The following GPATCH1 variants were observed in gnomAD, a reference collection of about 807,000 sequenced individuals.
The protein encoded by GPATCH1 is G-patch domain containing 1, also known as G patch domain-containing protein 1.
GPATCH1 carries 73 observed loss-of-function variants against 114.9 expected under a neutral mutation model. That is an observed-to-expected ratio of 0.64 (90% confidence interval 0.53 to 0.77). GPATCH1 has a LOEUF of 0.77. Ranked by LOEUF, GPATCH1 falls within the 30% of genes least tolerant of loss-of-function variation. GPATCH1 has a pLI of 0.00. For synonymous variants in GPATCH1, 391 were observed against 428.4 expected (o/e 0.91, Z 1.08); for missense variants, 1,058 against 1,144.3 (o/e 0.92, Z 1.09).
chr19:33,121,108 T>C (rs1021900246), intron 17 of GPATCH1, among the ~76,000 whole-genome samples: 2 of 151,684 alleles, frequency 1.3e-5, no homozygotes, highest in African/African-American at 4.8e-5. Flanking sequence ...AATATATTTT[T>C]AAAATTTTAT....
At chr19:33,098,282 CA>C in intron 8 of GPATCH1, among the ~76,000 whole-genome samples, 1 of 152,322 alleles carries the variant, frequency 6.6e-6, no homozygotes, top group South Asian at 2.1e-4. Flanking sequence ...AAGGTCAAGC[CA>C]GGGGACCAGG....
At chr19:33,114,878 C>T (rs1972899731) in intron 15 of GPATCH1, among the ~76,000 whole-genome samples, 1 of 140,826 alleles carries the variant, frequency 7.1e-6, no homozygotes. Context: ...TTTCGGCTCA[C>T]TGCAAGCTCT....
chr19:33,126,995 C>T (rs996757266), intron 19 of GPATCH1, among the ~76,000 whole-genome samples: 5 of 151,960 alleles, frequency 3.3e-5, no homozygotes, highest in South Asian at 2.1e-4. Context: ...ATTAGCTGGG[C>T]GTGGTGGTGC....
chr19:33,095,235 C>T (rs1972641967), intron 5 of GPATCH1, among the ~76,000 whole-genome samples: 1 of 151,232 alleles, frequency 6.6e-6, no homozygotes, highest in African/African-American at 2.4e-5. Context: ...TACCCATGTA[C>T]CTCTGAAGAG....
chr19:33,116,975 G>A (rs1481418877), intron 15 of GPATCH1, among the ~76,000 whole-genome samples: 1 of 152,052 alleles, frequency 6.6e-6, no homozygotes, highest in African/African-American at 2.4e-5. Flanking sequence ...CAGGGGGCTT[G>A]TTTGAGGCTA....
chr19:33,081,235 C>A lies in GPATCH1; in HGVS notation c.42C>A (p.Ser14Arg), dbSNP rs1048086415. 1 of 1,551,784 alleles carries A rather than the reference C, an allele frequency of 6.4e-7. No homozygotes were observed. The highest frequency in any genetic ancestry group is 2.4e-5 in the East Asian group (1 of 40,942). ...RDSDSEEDLV[S>R]YGTGLEPLEE... is the part of the protein sequence containing the mutation. ...GTGACAGCGAAGAAGATCTGGTCAG[C>A]TATGGGACCGGGCTGGAGCCTCTGG... Residue 14 changes from serine (S) to arginine (R), a missense_variant, in exon 1 of 20, where the codon AGC becomes AGA. Coordinates refer to ENST00000170564, the MANE Select transcript of GPATCH1 (RefSeq NM_018025.3).
At chr19:33,099,061 C>T (rs1972695869) in intron 8 of GPATCH1, among the ~76,000 whole-genome samples, 1 of 147,858 alleles carries the variant, frequency 6.8e-6, no homozygotes, top group East Asian at 1.9e-4. Flanking sequence ...TCATAATATA[C>T]TATTTAATTT....
rs371677122 is a variant in GPATCH1 at position 33,083,872 on chromosome 19, C to T, written c.73+2606C>T. On this transcript the variant is annotated intron_variant, in intron 1 of 19. Transcript: ENST00000170564. ...TCACCCAGGCTGGCATGCAATGGTG[C>T]GATCTCGGCTCACTACAACCTCTGC... Among the ~76,000 whole-genome samples, 35 of 152,178 alleles carry T rather than the reference C, an allele frequency of 2.3e-4. 3 individuals are homozygous for T. Among genetic ancestry groups the T allele is most frequent in the African/African-American group, 7.2e-4 (30 of 41,504 alleles).
chr19:33,096,462 A>G lies in GPATCH1; in HGVS notation c.852+16A>G, dbSNP rs199558098. 2.2e-5 allele frequency: 35 copies of G among 1,596,426 alleles called. No individual in the cohort carries two copies. The East Asian group carries it at 5.1e-4, about 23-fold the overall frequency. On this transcript the variant is annotated intron_variant, in intron 7 of 19. Coordinates refer to ENST00000170564, the MANE Select transcript of GPATCH1 (RefSeq NM_018025.3). Reference sequence around the variant, plus strand: ...TTCAGGCCAGGTAAAATTATTTTCTATTTTATAAAGGGGGAGTCATTGATA... The same window carrying G: ...TTCAGGCCAGGTAAAATTATTTTCTGTTTTATAAAGGGGGAGTCATTGATA...
chr19:33,128,410 G>A (rs984076989), intron 19 of GPATCH1, among the ~76,000 whole-genome samples: 3 of 152,128 alleles, frequency 2.0e-5, no homozygotes, highest in Admixed American at 6.5e-5. Flanking sequence ...ACAGGTACCC[G>A]CCACCACGTC....
chr19:33,084,753 C>G (rs753775006), intron 1 of GPATCH1, among the ~76,000 whole-genome samples: 2 of 151,908 alleles, frequency 1.3e-5, no homozygotes, highest in African/African-American at 2.4e-5. Flanking sequence ...CACCGCCTCC[C>G]AGGTTCAAGC....
In GPATCH1 at chr19:33,096,295, A is replaced by G. The variant is rs746083430; in HGVS notation, c.701A>G (p.His234Arg). 1.9e-6 allele frequency: 3 copies of G among 1,614,014 alleles called. No individual in the cohort carries two copies. Among genetic ancestry groups the G allele is most frequent in the Admixed American group, 3.3e-5 (2 of 59,988 alleles). The change falls in exon 7 of 20, where the codon CAT becomes CGT. Residue 234 changes from histidine (H) to arginine (R), a missense_variant. Coordinates refer to ENST00000170564, the MANE Select transcript of GPATCH1 (RefSeq NM_018025.3). ...PVDFTPKDNV[H>R]GLAYKGLDPH... ...GATTTCACACCTAAAGATAATGTGCATGGTCTAGCTTACAAGGGCCTGGAT... is the reference window on the plus strand; with the variant it reads ...GATTTCACACCTAAAGATAATGTGCGTGGTCTAGCTTACAAGGGCCTGGAT...
chr19:33,082,135 T>A (rs77144979), intron 1 of GPATCH1, among the ~76,000 whole-genome samples: 1 of 117,924 alleles, frequency 8.5e-6, no homozygotes, highest in Non-Finnish European at 1.8e-5. Context: ...GCAGTGGTGG[T>A]GGTGTGTAGT....
At chr19:33,108,427 G>A (rs541859254) in intron 10 of GPATCH1, among the ~76,000 whole-genome samples, 28 of 151,374 alleles carry the variant, frequency 1.8e-4, no homozygotes, top group Middle Eastern at 3.5e-3. Context: ...GGAACACGCC[G>A]TCATCCATGA....
intron 19 of GPATCH1, 30 bp from the exon 20 acceptor site, chr19:33,130,100 C>T: frequency 6.3e-7 from 1 of 1,598,384 alleles, no homozygotes; most frequent in Non-Finnish European, 8.6e-7. Context: ...GCTAACTTTC[C>T]ATTTCTCTCT....
At position 33,111,666 on chromosome 19, in the gene GPATCH1, T is replaced by C. The variant is rs964120514; in HGVS notation, c.1586-58T>C. 1.1e-5 allele frequency: 16 copies of C among 1,514,482 alleles called. No homozygotes were observed. The Admixed American group carries it at 2.6e-4, about 24-fold the overall frequency. The allele number at this position is 1,514,482 out of a possible 1,614,324, so 93.8% of individuals were successfully genotyped here. ...ACAGTGGTGCCCAGCAGATGTTCTC[T>C]TGTAAGCCCCATGTTTTCCTGAAAA... On this transcript the variant is annotated intron_variant, in intron 11 of 19. Coordinates refer to ENST00000170564, the MANE Select transcript of GPATCH1 (RefSeq NM_018025.3).
chr19:33,085,431 A>G (rs575728263), intron 1 of GPATCH1, among the ~76,000 whole-genome samples: 3 of 152,056 alleles, frequency 2.0e-5, no homozygotes, highest in Non-Finnish European at 4.4e-5. Flanking sequence ...GTCTCAAACC[A>G]CTGCTTCTAA....
chr19:33,102,856 C>A lies in GPATCH1; in HGVS notation c.1080+1282C>A, dbSNP rs12151286. 1.5e-3 allele frequency among the ~76,000 whole-genome samples: 233 copies of A among 152,340 alleles called. 1 individual carries two copies. The highest frequency in any genetic ancestry group is 2.4e-3 in the Non-Finnish European group (166 of 68,028). ...ATAACCCATAGCCCTGGTTCCTCCCCATGCTCTGAAGCTAGCAGGGGCAAG... is the reference window on the plus strand; with the variant it reads ...ATAACCCATAGCCCTGGTTCCTCCCAATGCTCTGAAGCTAGCAGGGGCAAG... On this transcript the variant is annotated intron_variant, in intron 9 of 19. Coordinates refer to ENST00000170564, the MANE Select transcript of GPATCH1 (RefSeq NM_018025.3).
chr19:33,109,738 A>C lies in GPATCH1; in HGVS notation c.1307A>C (p.Glu436Ala). The change falls in exon 11 of 20, where the codon GAA becomes GCA. Residue 436 changes from glutamate to alanine, a missense_variant. Around this residue, in one of 3 missense-constraint regions of GPATCH1, gnomAD observed 893 missense variants for 977.4 expected, o/e 0.91. Coordinates refer to ENST00000170564, the MANE Select transcript of GPATCH1 (RefSeq NM_018025.3). ...PIQGSATSVL[E>A]FLSQKDKERI... ...TTAGGTTCAGCTACTTCAGTGTTAGAATTTCTGTCCCAAAAAGACAAAGAG... is the reference window on the plus strand; with the variant it reads ...TTAGGTTCAGCTACTTCAGTGTTAGCATTTCTGTCCCAAAAAGACAAAGAG... The C allele has an allele frequency of 6.3e-7, 1 of 1,576,624 alleles. No homozygotes were observed.
Sources: gnomAD v4.1 joint callset for allele counts (sites outside exome capture counted in the v4.1 genomes callset) on GRCh38, gnomAD v4.1.1 for gene constraint, gnomAD v4.1.1 regional missense constraint, MANE v1.5 for transcripts, NCBI Gene and HGNC (gene_info 2026-07-23, HGNC 2026-07-21) for gene names.